The following ARHGAP26 variants were observed in gnomAD, a reference collection of about 807,000 sequenced individuals.
ARHGAP26 encodes rho GTPase-activating protein 26.
Under a neutral mutation model 104.8 loss-of-function variants are expected in ARHGAP26, and 38 were observed. The ratio of observed to expected loss-of-function variants is 0.36; its 90% CI spans 0.28 to 0.48. The LOEUF (loss-of-function observed/expected upper bound fraction) is 0.48. ARHGAP26 is among the 20% of genes least tolerant of loss of function. The probability of loss-of-function intolerance (pLI) is 0.99; values close to 1 mark genes in which losing one functional copy is unlikely to be tolerated. For missense variants in ARHGAP26, 704 were observed against 947.9 expected (o/e 0.74, Z 3.38); for synonymous variants, 341 against 340.0 (o/e 1.00, Z -0.03).
chr5:142,979,739 A>C (rs773916006), intron 11 of ARHGAP26, among the ~76,000 whole-genome samples: 2 of 152,266 alleles, frequency 1.3e-5, no homozygotes, highest in Non-Finnish European at 2.9e-5. Flanking sequence ...ATTAAGGGAA[A>C]GTGTCTCACT....
At chr5:143,124,359 A>G (rs557771723) in intron 18 of ARHGAP26, among the ~76,000 whole-genome samples, 33 of 152,370 alleles carry the variant, frequency 2.2e-4, no homozygotes, top group Non-Finnish European at 4.6e-4. Context: ...TTCTATTGCT[A>G]TATAGCAAAT....
At chr5:143,166,237 C>A in intron 20 of ARHGAP26, 1 of 452,298 alleles carries the variant, frequency 2.2e-6, no homozygotes, top group Non-Finnish European at 3.4e-6. Context: ...GCCGGAAGAG[C>A]CCACAATTTC....
intron 10 of ARHGAP26, among the ~76,000 whole-genome samples, chr5:142,923,576 TA>T (rs1304639962): frequency 6.6e-6 from 1 of 152,208 alleles, no homozygotes; most frequent in African/African-American, 2.4e-5. Context: ...ATGTCCCTGA[TA>T]CCTAGCATGA....
At chr5:142,829,833 A>G (rs761629314) in intron 1 of ARHGAP26, among the ~76,000 whole-genome samples, 22 of 152,158 alleles carry the variant, frequency 1.4e-4, no homozygotes, top group Non-Finnish European at 2.5e-4. Context: ...CATGACACTG[A>G]GGATGGTGTC....
chr5:142,928,287 A>G (rs2152523712), intron 10 of ARHGAP26, among the ~76,000 whole-genome samples: 1 of 150,262 alleles, frequency 6.7e-6, no homozygotes, highest in South Asian at 2.1e-4. Context: ...GTATTTTAAG[A>G]CAGATAAAAC....
intron 14 of ARHGAP26, among the ~76,000 whole-genome samples, chr5:143,045,091 T>A (rs746134717): frequency 2.6e-5 from 4 of 152,218 alleles, no homozygotes; most frequent in Non-Finnish European, 5.9e-5. Flanking sequence ...AAAAGAGTGG[T>A]TATGAAAGGA....
intron 11 of ARHGAP26, among the ~76,000 whole-genome samples, chr5:142,963,190 A>ATATACATATATATATATATATATG (rs1770658279): frequency 9.9e-6 from 1 of 100,522 alleles, no homozygotes; most frequent in African/African-American, 7.2e-5. Context: ...ATATATATAT[A>ATATACATATATATATATATATATG]TATATATATG....
intron 17 of ARHGAP26, among the ~76,000 whole-genome samples, chr5:143,099,708 A>G (rs1792937376): frequency 6.6e-6 from 1 of 152,226 alleles, no homozygotes; most frequent in Non-Finnish European, 1.5e-5. Flanking sequence ...TTATAAACAC[A>G]CAAGGAAGTA....
chr5:143,212,353 A>G (rs1809595762), intron 21 of ARHGAP26, among the ~76,000 whole-genome samples: 1 of 76,784 alleles, frequency 1.3e-5, no homozygotes, highest in Admixed American at 1.3e-4. Flanking sequence ...CAGCCTCTCA[A>G]GAAAAAAAAA....
chr5:142,844,253 A>G (rs554023275), intron 1 of ARHGAP26, among the ~76,000 whole-genome samples: 30 of 151,750 alleles, frequency 2.0e-4, no homozygotes, highest in Middle Eastern at 3.4e-3. Flanking sequence ...GTTTCGCCAT[A>G]TCGACCAGGC....
intron 22 of ARHGAP26, among the ~76,000 whole-genome samples, chr5:143,215,951 G>T (rs781548313): frequency 6.6e-5 from 10 of 152,164 alleles, no homozygotes; most frequent in Admixed American, 1.3e-4. Flanking sequence ...TAGGTTTCCA[G>T]TTCTCTTGGG....
At chr5:142,919,565 C>T (rs1762929058) in intron 10 of ARHGAP26, 2 of 397,438 alleles carry the variant, frequency 5.0e-6, no homozygotes, top group Non-Finnish European at 8.9e-6. Flanking sequence ...GATAACTCAA[C>T]ACCTACTGCT....
intron 18 of ARHGAP26, among the ~76,000 whole-genome samples, chr5:143,124,147 C>G (rs1011362355): frequency 6.6e-6 from 1 of 152,186 alleles, no homozygotes; most frequent in Non-Finnish European, 1.5e-5. Flanking sequence ...GTATATACCC[C>G]CCATAGCGAC....
chr5:143,160,176 C>T (rs769575739), intron 20 of ARHGAP26, among the ~76,000 whole-genome samples: 119 of 151,684 alleles, frequency 7.8e-4, no homozygotes, highest in Admixed American at 2.4e-3. Flanking sequence ...TCTCCTGCCT[C>T]AGCCTCCTGA....
At position 142,906,875 on chromosome 5, in the gene ARHGAP26, A is replaced by AT. The variant is rs145216282; in HGVS notation, c.833-817dup. 9.2e-3 allele frequency among the ~76,000 whole-genome samples: 1,367 copies of AT among 148,658 alleles called. 12 individuals are homozygous for AT. The highest frequency in any genetic ancestry group is 0.011 in the Non-Finnish European group (718 of 66,766). ...TGCTAATTCTCTTTATGTTTAAACA[A>AT]TTTTTTTTTTTTAACAATTTCTGCT... On this transcript the variant is annotated intron_variant, in intron 8 of 22. Transcript: ENST00000645722.
At chr5:143,088,127 A>C (rs1790868737) in intron 17 of ARHGAP26, among the ~76,000 whole-genome samples, 1 of 152,228 alleles carries the variant, frequency 6.6e-6, no homozygotes, top group Non-Finnish European at 1.5e-5. Flanking sequence ...GTCTTCAGTT[A>C]AGTCAAAAGT....
intron 1 of ARHGAP26, among the ~76,000 whole-genome samples, chr5:142,800,349 G>A (rs777995883): frequency 2.0e-5 from 3 of 151,402 alleles, no homozygotes; most frequent in Non-Finnish European, 4.4e-5. Context: ...CCATCAGAAG[G>A]CTGAGGTCTT....
intron 1 of ARHGAP26, among the ~76,000 whole-genome samples, chr5:142,835,766 A>G (rs1167157882): frequency 6.6e-6 from 1 of 152,244 alleles, no homozygotes; most frequent in Non-Finnish European, 1.5e-5. Context: ...ATGATACATA[A>G]TAAAAACCCA....
chr5:143,063,623 T>C (rs1787065973), intron 17 of ARHGAP26, among the ~76,000 whole-genome samples: 1 of 152,202 alleles, frequency 6.6e-6, no homozygotes, highest in African/African-American at 2.4e-5. Context: ...GTTGGGCAAA[T>C]GCATGAAGAG....
Sources: gnomAD v4.1 joint callset for allele counts (sites outside exome capture counted in the v4.1 genomes callset) on GRCh38, gnomAD v4.1.1 for gene constraint, MANE v1.5 for transcripts, NCBI Gene and HGNC (gene_info 2026-07-23, HGNC 2026-07-21) for gene names.